The following PRELID2 variants were observed in gnomAD, a reference collection of about 807,000 sequenced individuals.
PRELID2 encodes the protein PRELI domain-containing protein 2.
Under a neutral mutation model 28.4 loss-of-function variants are expected in PRELID2, and 25 were observed. That is an observed-to-expected ratio of 0.88 (90% CI 0.64 to 1.23). The LOEUF (loss-of-function observed/expected upper bound fraction) is 1.23. Ranked by LOEUF, PRELID2 falls within the 50% of genes most tolerant of loss-of-function variation. The pLI is 0.00. For missense variants in PRELID2, 201 were observed against 214.4 expected (o/e 0.94, Z 0.39); for synonymous variants, 76 against 71.6 (o/e 1.06, Z -0.31).
the PRELID2 span, among the ~76,000 whole-genome samples, chr5:145,336,216 T>C: frequency 6.6e-6 from 1 of 152,174 alleles, no homozygotes; most frequent in South Asian, 2.1e-4. Flanking sequence ...TCTCCCATTT[T>C]GTAGGTTGCC....
At chr5:145,254,026 C>A in the PRELID2 span, among the ~76,000 whole-genome samples, 5 of 152,038 alleles carry the variant, frequency 3.3e-5, no homozygotes, top group East Asian at 9.7e-4. Context: ...TACACACACA[C>A]ATAACGACAA....
At chr5:145,554,326 AG>A (rs1752862697) in intron 1 of PRELID2, among the ~76,000 whole-genome samples, 2 of 152,086 alleles carry the variant, frequency 1.3e-5, no homozygotes, top group South Asian at 4.2e-4. Context: ...TGATCTCAAA[AG>A]CAAGGGAGGA....
the PRELID2 span, among the ~76,000 whole-genome samples, chr5:145,270,622 C>G: frequency 2.0e-5 from 3 of 152,058 alleles, no homozygotes; most frequent in Non-Finnish European, 2.9e-5. Flanking sequence ...TAAAGCTGCT[C>G]TAAATATTTA....
chr5:145,435,009 T>TG, the PRELID2 span, among the ~76,000 whole-genome samples: 2 of 152,166 alleles, frequency 1.3e-5, no homozygotes, highest in Non-Finnish European at 2.9e-5. Context: ...TGAAAACAAA[T>TG]GCCTATTCTC....
the PRELID2 span, among the ~76,000 whole-genome samples, chr5:145,335,167 C>A: frequency 5.3e-5 from 8 of 151,798 alleles, no homozygotes; most frequent in African/African-American, 9.7e-5. Context: ...TCACTCTTTT[C>A]TTTTTTCTCC....
the PRELID2 span, among the ~76,000 whole-genome samples, chr5:145,411,913 T>C: frequency 2.0e-5 from 3 of 152,196 alleles, no homozygotes; most frequent in East Asian, 1.9e-4. Context: ...AAATATGGGC[T>C]TTGCACCCTC....
chr5:145,658,628 C>A (rs146907435), intron 1 of PRELID2, among the ~76,000 whole-genome samples: 1 of 152,156 alleles, frequency 6.6e-6, no homozygotes, highest in African/African-American at 2.4e-5. Flanking sequence ...TCTCTCGCCA[C>A]GGGATATGTC....
Position 145,835,307 on chromosome 5 carries a change from C to A in PRELID2, c.-56G>T. 1.5e-6 allele frequency: 2 copies of A among 1,312,474 alleles called. No homozygotes were observed. Among genetic ancestry groups the A allele is most frequent in the African/African-American group, 1.5e-5 (1 of 67,794 alleles). 81.3% of individuals were successfully genotyped at this position (1,312,474 alleles called of 1,614,324 possible). On this transcript the variant is annotated 5_prime_UTR_variant, in exon 1 of 7. Transcript: ENST00000683046. ...CACGCCTCCGCGAGCTCAGAGCTGC[C>A]CAGGGCTCCGCAGAGGCCCGGAGGC...
the PRELID2 span, among the ~76,000 whole-genome samples, chr5:145,317,123 G>C: frequency 6.6e-6 from 1 of 152,194 alleles, no homozygotes; most frequent in Non-Finnish European, 1.5e-5. Context: ...TGGAAGGCTG[G>C]TGTGGACTCA....
chr5:145,245,413 AAGAGAG>A, the PRELID2 span, among the ~76,000 whole-genome samples: 79 of 148,168 alleles, frequency 5.3e-4, no homozygotes, highest in African/African-American at 1.5e-3. Context: ...AAGAAAGAGA[AAGAGAG>A]AGAGAGAGAG....
chr5:145,395,414 C>A, the PRELID2 span, among the ~76,000 whole-genome samples: 50 of 152,226 alleles, frequency 3.3e-4, no homozygotes, highest in African/African-American at 1.1e-3. Context: ...GGCTCTATCC[C>A]AACTTAATTT....
At chr5:145,574,461 C>T (rs946017760) in intron 1 of PRELID2, among the ~76,000 whole-genome samples, 2 of 152,160 alleles carry the variant, frequency 1.3e-5, no homozygotes, top group African/African-American at 4.8e-5. Flanking sequence ...CAAACGTAAC[C>T]CTCTATCTAC....
chr5:145,426,982 A>G, the PRELID2 span, among the ~76,000 whole-genome samples: 1 of 152,228 alleles, frequency 6.6e-6, no homozygotes, highest in African/African-American at 2.4e-5. Flanking sequence ...CAACTGAGTC[A>G]AATCTCTGAG....
intron 1 of PRELID2, among the ~76,000 whole-genome samples, chr5:145,831,123 A>G (rs1412540232): frequency 6.6e-6 from 1 of 152,244 alleles, no homozygotes; most frequent in African/African-American, 2.4e-5. Flanking sequence ...TTACTACCTT[A>G]GGCTTATAAA....
chr5:145,508,406 A>G (rs1323162711), intron 1 of PRELID2, among the ~76,000 whole-genome samples: 1 of 152,164 alleles, frequency 6.6e-6, no homozygotes, highest in Non-Finnish European at 1.5e-5. Flanking sequence ...AGAAGGCTGC[A>G]CAAAAAACTA....
intron 1 of PRELID2, among the ~76,000 whole-genome samples, chr5:145,604,331 T>TGA (rs1753464679): frequency 6.6e-6 from 1 of 152,040 alleles, no homozygotes; most frequent in Non-Finnish European, 1.5e-5. Flanking sequence ...CATTCATAAG[T>TGA]GAGAATATGC....
chr5:145,278,622 A>C, the PRELID2 span, among the ~76,000 whole-genome samples: 1 of 152,148 alleles, frequency 6.6e-6, no homozygotes, highest in African/African-American at 2.4e-5. Flanking sequence ...CCTACATAAC[A>C]TAATCATGGA....
At chr5:145,572,001 A>G (rs1439259322) in intron 1 of PRELID2, among the ~76,000 whole-genome samples, 4 of 151,056 alleles carry the variant, frequency 2.6e-5, no homozygotes, top group Non-Finnish European at 5.9e-5. Flanking sequence ...AAAGAAAGAA[A>G]AAAGAAAAAA....
chr5:145,395,990 T>C, the PRELID2 span, among the ~76,000 whole-genome samples: 1 of 152,170 alleles, frequency 6.6e-6, no homozygotes, highest in African/African-American at 2.4e-5. Flanking sequence ...CTTCTTCACT[T>C]GCCTGAATTG....
Sources: gnomAD v4.1 joint callset for allele counts (sites outside exome capture counted in the v4.1 genomes callset) on GRCh38, gnomAD v4.1.1 for gene constraint, MANE v1.5 for transcripts, NCBI Gene and HGNC (gene_info 2026-07-23, HGNC 2026-07-21) for gene names.